The following CDKAL1 variants were observed in gnomAD, a reference collection of about 807,000 sequenced individuals.
The protein encoded by CDKAL1 is threonylcarbamoyladenosine tRNA methylthiotransferase.
In CDKAL1, 32 loss-of-function variants were observed where a neutral mutation model predicts 68.2. That is an observed-to-expected ratio of 0.47 (90% CI 0.35 to 0.63). The LOEUF (loss-of-function observed/expected upper bound fraction) is 0.63. Among genes scored for constraint, CDKAL1 ranks in the 30% least tolerant of loss-of-function variants. The pLI, the probability that CDKAL1 is intolerant of heterozygous loss-of-function variation, is 0.00. For synonymous variants in CDKAL1, 234 were observed against 244.3 expected, an observed-to-expected ratio of 0.96 and a Z score of 0.39; for missense variants, 606 against 696.7, an observed-to-expected ratio of 0.87 and a Z score of 1.47.
At chr6:20,958,421 T>C (rs930445138) in intron 10 of CDKAL1, among the ~76,000 whole-genome samples, 11 of 152,134 alleles carry the variant, frequency 7.2e-5, no homozygotes, top group African/African-American at 2.7e-4. Context: ...CCAGAAGGCT[T>C]ACATGGCTTC....
chr6:20,719,179 A>G (rs1039299854), intron 5 of CDKAL1, among the ~76,000 whole-genome samples: 4 of 152,202 alleles, frequency 2.6e-5, no homozygotes, highest in African/African-American at 9.7e-5. Flanking sequence ...TTACCCAGCC[A>G]CAGTAGAGGA....
chr6:21,050,076 C>A (rs1770460063), intron 11 of CDKAL1, among the ~76,000 whole-genome samples: 3 of 152,104 alleles, frequency 2.0e-5, no homozygotes, highest in Non-Finnish European at 4.4e-5. Context: ...AACTGAATAA[C>A]CCATCTAGGT....
chr6:20,571,226 C>G (rs539936484), intron 4 of CDKAL1, among the ~76,000 whole-genome samples: 2 of 152,176 alleles, frequency 1.3e-5, no homozygotes, highest in Non-Finnish European at 2.9e-5. Flanking sequence ...TGATCTTAGT[C>G]AAGCCATGTA....
intron 4 of CDKAL1, among the ~76,000 whole-genome samples, chr6:20,622,693 A>T (rs2127734348): frequency 6.6e-6 from 1 of 151,876 alleles, no homozygotes; most frequent in South Asian, 2.1e-4. Flanking sequence ...TGCCATCTTT[A>T]CACTTGATCT....
intron 5 of CDKAL1, among the ~76,000 whole-genome samples, chr6:20,657,874 G>A (rs1244257507): frequency 2.0e-5 from 3 of 152,002 alleles, no homozygotes; most frequent in Non-Finnish European, 2.9e-5. Flanking sequence ...AGAAAGAATC[G>A]CTAGGAAGCC....
intron 9 of CDKAL1, among the ~76,000 whole-genome samples, chr6:20,912,422 G>A (rs1762507783): frequency 6.6e-6 from 1 of 152,144 alleles, no homozygotes; most frequent in South Asian, 2.1e-4. Context: ...AGTGTAGTGT[G>A]TTGGTCAGGC....
intron 13 of CDKAL1, among the ~76,000 whole-genome samples, chr6:21,115,479 A>G (rs1385876770): frequency 1.3e-5 from 2 of 152,258 alleles, no homozygotes; most frequent in Non-Finnish European, 1.5e-5. Flanking sequence ...TGGCACATGC[A>G]GATAAAGAAA....
In CDKAL1 at chr6:20,830,809, C is replaced by T. The variant is rs74621518; in HGVS notation, c.639-15266C>T. 5.9e-5 allele frequency among the ~76,000 whole-genome samples: 9 copies of T among 152,230 alleles called. No individual in the cohort carries two copies. The East Asian group carries it at 9.7e-4, about 16-fold the overall frequency. The stretch of plus-strand genomic sequence containing the variant: ...AACTATTGGTGTGGAAGTATTAAAC[C>T]GCATTTCAGAAAATGTGGGTTTTGC... On this transcript the variant is annotated intron_variant, in intron 8 of 15. Coordinates refer to ENST00000274695, the MANE Select transcript of CDKAL1 (RefSeq NM_017774.3).
intron 4 of CDKAL1, among the ~76,000 whole-genome samples, chr6:20,606,089 AG>A (rs570343272): frequency 4.3e-4 from 65 of 152,252 alleles, no homozygotes; most frequent in African/African-American, 1.5e-3. Context: ...TCCGTCTCTC[AG>A]GGGTCACTGT....
intron 9 of CDKAL1, among the ~76,000 whole-genome samples, chr6:20,887,502 A>T (rs1372790356): frequency 6.6e-6 from 1 of 151,676 alleles, no homozygotes; most frequent in East Asian, 1.9e-4. Context: ...ACGAACTACC[A>T]ATTTAAGCAA....
intron 4 of CDKAL1, among the ~76,000 whole-genome samples, chr6:20,593,709 C>T (rs1489384028): frequency 6.6e-6 from 1 of 150,818 alleles, no homozygotes; most frequent in Non-Finnish European, 1.5e-5. Context: ...TATTTCTTGT[C>T]TTCTGCTAGC....
At chr6:20,630,840 G>A (rs931155757) in intron 4 of CDKAL1, among the ~76,000 whole-genome samples, 2 of 152,086 alleles carry the variant, frequency 1.3e-5, no homozygotes, top group African/African-American at 2.4e-5. Flanking sequence ...TTCTGTTTCC[G>A]CATCCATAAG....
intron 12 of CDKAL1, among the ~76,000 whole-genome samples, chr6:21,097,979 C>T (rs1199453236): frequency 3.9e-5 from 6 of 152,200 alleles, no homozygotes; most frequent in Admixed American, 6.5e-5. Context: ...AACATTTATG[C>T]ACTTACTGTG....
intron 8 of CDKAL1, among the ~76,000 whole-genome samples, chr6:20,831,320 G>A (rs1777708200): frequency 6.6e-6 from 1 of 152,170 alleles, no homozygotes; most frequent in Admixed American, 6.5e-5. Flanking sequence ...GTGGCAGTTG[G>A]TTGGCAAGAG....
chr6:21,064,503 G>T (rs150498843), intron 11 of CDKAL1, among the ~76,000 whole-genome samples: 41 of 152,204 alleles, frequency 2.7e-4, no homozygotes, highest in African/African-American at 9.2e-4. Flanking sequence ...ATCAACATAG[G>T]TATATAGAAC....
At chr6:21,089,025 C>T (rs1250621386) in intron 12 of CDKAL1, among the ~76,000 whole-genome samples, 1 of 152,208 alleles carries the variant, frequency 6.6e-6, no homozygotes, top group Non-Finnish European at 1.5e-5. Flanking sequence ...GGGTCATGCA[C>T]TATGCAACTT....
intron 7 of CDKAL1, among the ~76,000 whole-genome samples, chr6:20,761,292 T>C (rs981014379): frequency 6.6e-6 from 1 of 152,196 alleles, no homozygotes; most frequent in Non-Finnish European, 1.5e-5. Context: ...CTGGCAAGGA[T>C]ATGGAGCAAC....
chr6:21,193,019 A>G (rs779455840), intron 13 of CDKAL1, among the ~76,000 whole-genome samples: 12 of 151,946 alleles, frequency 7.9e-5, no homozygotes, highest in Non-Finnish European at 1.5e-4. Context: ...AGGTCTTGCT[A>G]TGTGGCCCAG....
intron 10 of CDKAL1, among the ~76,000 whole-genome samples, chr6:20,975,403 C>A (rs1472598166): frequency 6.6e-6 from 1 of 152,040 alleles, no homozygotes; most frequent in Admixed American, 6.5e-5. Context: ...CTGTGATATG[C>A]CCTGATACAT....
Sources: gnomAD v4.1 joint callset for allele counts (sites outside exome capture counted in the v4.1 genomes callset) on GRCh38, gnomAD v4.1.1 for gene constraint, MANE v1.5 for transcripts, NCBI Gene and HGNC (gene_info 2026-07-23, HGNC 2026-07-21) for gene names.